SPAG9: variants seen among roughly 807,000 people sequenced by gnomAD.
SPAG9 encodes C-Jun-amino-terminal kinase-interacting protein 4.
In SPAG9, 35 loss-of-function variants were observed where a neutral mutation model predicts 166.5. That is an observed-to-expected ratio of 0.21 (90% confidence interval 0.16 to 0.28). The LOEUF is 0.28. Among genes scored for constraint, SPAG9 ranks in the 10% least tolerant of loss-of-function variants. SPAG9 has a pLI of 1.00. For synonymous variants in SPAG9, 534 were observed against 565.5 expected, an observed-to-expected ratio of 0.94 and a Z score of 0.79; for missense variants, 1,235 against 1,603.3, an observed-to-expected ratio of 0.77 and a Z score of 3.92.
chr17:51,090,019 T>C (rs910662522), intron 1 of SPAG9, among the ~76,000 whole-genome samples: 4 of 151,908 alleles, frequency 2.6e-5, no homozygotes, highest in African/African-American at 9.7e-5. Flanking sequence ...CATTTTAGCT[T>C]ACTCTAAAAG....
chr17:51,096,054 G>GATATATATATATATAGTGAT (rs1568084212), intron 1 of SPAG9, among the ~76,000 whole-genome samples: 6 of 135,630 alleles, frequency 4.4e-5, no homozygotes, highest in South Asian at 2.3e-4. Context: ...TATATATAGT[G>GATATATATATATATAGTGAT]ATATATATAT....
At chr17:51,013,711 A>G (rs1039005050) in intron 9 of SPAG9, among the ~76,000 whole-genome samples, 2 of 152,222 alleles carry the variant, frequency 1.3e-5, no homozygotes, top group African/African-American at 4.8e-5. Context: ...TTTTCAGACC[A>G]TGTATTCTTC....
intron 2 of SPAG9, among the ~76,000 whole-genome samples, chr17:51,068,959 G>T (rs1005057005): frequency 6.6e-6 from 1 of 152,074 alleles, no homozygotes; most frequent in African/African-American, 2.4e-5. Flanking sequence ...GTTAGTGTTT[G>T]CAAAAACTAT....
chr17:51,042,825 G>C (rs2046889366), intron 4 of SPAG9, among the ~76,000 whole-genome samples: 1 of 152,106 alleles, frequency 6.6e-6, no homozygotes, highest in Admixed American at 6.5e-5. Context: ...GTATGCACAA[G>C]GAAATAAAAT....
At chr17:50,991,941 T>C (rs1381774144) in intron 19 of SPAG9, among the ~76,000 whole-genome samples, 1 of 137,780 alleles carries the variant, frequency 7.3e-6, no homozygotes, top group African/African-American at 3.0e-5. Flanking sequence ...TTTTTTTTTT[T>C]TTTTTTTTTT....
chr17:50,998,638 T>A (rs1464506301), intron 14 of SPAG9, 21 bp from the exon 15 acceptor site: 1 of 1,610,040 alleles, frequency 6.2e-7, no homozygotes. Flanking sequence ...ACAGTATGTC[T>A]GTGTGTCACA....
At chr17:50,995,657 AG>A (rs2044645766) in intron 16 of SPAG9, 124 bp from the exon 17 acceptor site, 1 of 682,050 alleles carries the variant, frequency 1.5e-6, no homozygotes, top group Non-Finnish European at 2.5e-6. Flanking sequence ...AATCAAGTTC[AG>A]GTTTTTTGTT....
intron 1 of SPAG9, among the ~76,000 whole-genome samples, chr17:51,111,091 G>C (rs2049098143): frequency 6.6e-6 from 1 of 151,952 alleles, no homozygotes; most frequent in Admixed American, 6.6e-5. Context: ...ACTCCAGCCA[G>C]GGTGACAGAG....
chr17:50,977,836 A>G (rs1974308893), intron 26 of SPAG9, among the ~76,000 whole-genome samples: 1 of 152,146 alleles, frequency 6.6e-6, no homozygotes. Flanking sequence ...GTGAACTGTG[A>G]TCCAACCACT....
chr17:51,120,410 C>G lies in SPAG9; in HGVS notation c.247G>C (p.Glu83Gln). The G allele has an allele frequency of 1.9e-6, 3 of 1,611,866 alleles. No homozygotes were observed. The highest frequency in any genetic ancestry group is 2.5e-6 in the Non-Finnish European group (3 of 1,179,128). The part of the protein sequence containing the change: ...VELELLRDDN[E>Q]QLITQYEREK... ...CGCTCGTACTGGGTGATGAGCTGCT[C>G]GTTGTCGTCCCGCAGCAGCTCCAGC... The change falls in exon 1 of 30, where the codon GAG (glutamate) becomes CAG (glutamine). Residue 83 changes from glutamate to glutamine, a missense_variant. Transcript: ENST00000262013. This position sits in a 1 kb window ranked among gnomAD's most constrained non-coding sequence, Gnocchi z 4.7.
At chr17:51,051,478 G>C (rs896705841) in intron 3 of SPAG9, among the ~76,000 whole-genome samples, 11 of 152,168 alleles carry the variant, frequency 7.2e-5, no homozygotes, top group African/African-American at 2.7e-4. Flanking sequence ...CCAGCACTTC[G>C]GAAGGCCGGG....
At chr17:51,044,713 G>C (rs1466271068) in intron 4 of SPAG9, among the ~76,000 whole-genome samples, 1 of 152,140 alleles carries the variant, frequency 6.6e-6, no homozygotes, top group Non-Finnish European at 1.5e-5. Flanking sequence ...TAGGAAAAGT[G>C]ATGCTCAGAG....
Position 50,979,923 on chromosome 17 carries a change from A to G in SPAG9, c.3238-6T>C, listed in dbSNP as rs753621543. ...GGATGTGCATCAAAAGATTTCTAGG[A>G]GAGATTGTCCAATCACAAAGTTACT... On this transcript the variant is annotated splice_polypyrimidine_tract_variant and splice_region_variant and intron_variant, in intron 25 of 29. Coordinates refer to ENST00000262013, the MANE Select transcript of SPAG9 (RefSeq NM_001130528.3). 8.7e-6 allele frequency: 14 copies of G among 1,608,184 alleles called. No homozygotes were observed.
chr17:51,076,993 TCTAGCTATCTAGCTAGCTAG>T lies in SPAG9; in HGVS notation c.424+2571_424+2590del, dbSNP rs1322076257. Among the ~76,000 whole-genome samples, 449 of 85,846 alleles carry T rather than the reference TCTAGCTATCTAGCTAGCTAG, an allele frequency of 5.2e-3. 16 individuals carry two copies. Among genetic ancestry groups the T allele is most frequent in the African/African-American group, 0.017 (379 of 21,718 alleles). 56.3% of individuals were successfully genotyped at this position (85,846 alleles called of 152,430 possible). On this transcript the variant is annotated intron_variant, in intron 2 of 29. Coordinates refer to ENST00000262013, the MANE Select transcript of SPAG9 (RefSeq NM_001130528.3). Reference sequence around the variant, plus strand: ...TCTATCTATCTATCTTATCTAGCTATCTAGCTATCTAGCTAGCTAGCTAGCTATCTAGCTATCTATCTAGC... The same window carrying T: ...TCTATCTATCTATCTTATCTAGCTATCTAGCTATCTAGCTATCTATCTAGC...
chr17:51,048,432 A>C (rs940061437), intron 3 of SPAG9, among the ~76,000 whole-genome samples: 1 of 152,020 alleles, frequency 6.6e-6, no homozygotes, highest in African/African-American at 2.4e-5. Context: ...TTTCTTGGGA[A>C]TATTACTTGA....
At chr17:51,075,029 T>C (rs1452908585) in intron 2 of SPAG9, among the ~76,000 whole-genome samples, 2 of 151,440 alleles carry the variant, frequency 1.3e-5, no homozygotes, top group East Asian at 3.9e-4. Context: ...AAACCCCATC[T>C]CTACAAATAT....
intron 1 of SPAG9, among the ~76,000 whole-genome samples, chr17:51,086,114 C>G (rs982602370): frequency 1.3e-5 from 2 of 151,600 alleles, no homozygotes; most frequent in Non-Finnish European, 2.9e-5. Flanking sequence ...ATCACCATAG[C>G]TGAATCAGGC....
rs761845552 is a variant in SPAG9 at position 51,120,348 on chromosome 17, C to T, written c.303+6G>A. The T allele has an allele frequency of 9.6e-6, 15 of 1,565,968 alleles. No homozygotes were observed. The highest frequency in any genetic ancestry group is 2.4e-5 in the East Asian group (1 of 42,312). On this transcript the variant is annotated splice_donor_region_variant and intron_variant, in intron 1 of 29. Transcript: ENST00000262013. This position sits in a 1 kb window ranked among gnomAD's most constrained non-coding sequence, Gnocchi z 4.7. The stretch of plus-strand genomic sequence containing the variant: ...CCCGCGGCCCCCGCCCTGCCGCCGG[C>T]CTCACCTCCTCAGCGTGCTTGCGCA...
At chr17:51,057,187 C>T (rs1017100763) in intron 2 of SPAG9, among the ~76,000 whole-genome samples, 2 of 152,108 alleles carry the variant, frequency 1.3e-5, no homozygotes, top group African/African-American at 4.8e-5. Flanking sequence ...ATTCCTGACA[C>T]TGTTACCACA....
Sources: allele counts gnomAD v4.1 joint callset (sites outside exome capture counted in the v4.1 genomes callset), GRCh38; gene constraint gnomAD v4.1.1; non-coding constraint Gnocchi (gnomAD v3.1); transcripts MANE v1.5; gene names NCBI Gene and HGNC (gene_info 2026-07-23, HGNC 2026-07-21).